The following SPSB1 variants were observed in gnomAD, a reference collection of about 807,000 sequenced individuals.
SPSB1 encodes the protein splA/ryanodine receptor domain and SOCS box containing 1, also known as SPRY domain-containing SOCS box protein 1.
A neutral mutation model predicts 21.2 loss-of-function variants in SPSB1; 8 were observed. The observed-to-expected ratio is 0.38, with a 90% CI of 0.22 to 0.68. SPSB1 has a LOEUF of 0.68. Among genes scored for constraint, SPSB1 ranks in the 30% least tolerant of loss-of-function variants. SPSB1 has a pLI of 0.53. For missense variants in SPSB1, 242 were observed against 377.8 expected (o/e 0.64, Z 2.98); for synonymous variants, 169 against 161.7 (o/e 1.05, Z -0.34).
At chr1:9,351,654 G>A (rs893353749) in intron 1 of SPSB1, 8 of 152,258 alleles carry the variant, frequency 5.3e-5, no homozygotes, top group Non-Finnish European at 8.8e-5. Flanking sequence ...GGGTGGATCT[G>A]TGCGGCCACA....
intron 1 of SPSB1, among the ~76,000 whole-genome samples, chr1:9,319,718 C>A (rs1639681027): frequency 6.6e-6 from 1 of 152,168 alleles, no homozygotes; most frequent in Non-Finnish European, 1.5e-5. Context: ...TGCAGAGCAG[C>A]CCCCAAAGGT....
intron 1 of SPSB1, among the ~76,000 whole-genome samples, chr1:9,331,038 G>A (rs1246519212): frequency 6.6e-6 from 1 of 152,080 alleles, no homozygotes; most frequent in Non-Finnish European, 1.5e-5. Context: ...CTGTATGTCT[G>A]CATCTTTGGG....
In SPSB1 at chr1:9,355,819, A is replaced by G; in HGVS notation, c.-73A>G. Reference sequence around the variant, plus strand: ...GGAATTCTGTCTGGCCCCGATCAGAATACTGGAGACGAGACCACGAGATTG... The same window carrying G: ...GGAATTCTGTCTGGCCCCGATCAGAGTACTGGAGACGAGACCACGAGATTG... On this transcript the variant is annotated 5_prime_UTR_variant, in exon 2 of 3. Transcript: ENST00000328089. 2 of 1,512,012 alleles carry G rather than the reference A, an allele frequency of 1.3e-6. No homozygotes were observed. Among genetic ancestry groups the G allele is most frequent in the Non-Finnish European group, 1.8e-6 (2 of 1,130,742 alleles). The allele number at this position is 1,512,012 out of a possible 1,614,324, so 93.7% of individuals were successfully genotyped here.
At chr1:9,316,303 TGGG>T (rs1190975172) in intron 1 of SPSB1, among the ~76,000 whole-genome samples, 1 of 152,082 alleles carries the variant, frequency 6.6e-6, no homozygotes. Flanking sequence ...GAGTTGGAGA[TGGG>T]GGCGTCCCTT....
At chr1:9,310,562 G>A (rs959097387) in intron 1 of SPSB1, among the ~76,000 whole-genome samples, 2 of 152,158 alleles carry the variant, frequency 1.3e-5, no homozygotes, top group Non-Finnish European at 2.9e-5. Flanking sequence ...GGATGTGATG[G>A]TGCATGCCTG....
chr1:9,309,829 G>A lies in SPSB1; in HGVS notation c.-150+16758G>A, dbSNP rs1055691106. Among the ~76,000 whole-genome samples the A allele has an allele frequency of 2.0e-5, 3 of 152,178 alleles. No homozygotes were observed. The East Asian group carries it at 5.8e-4, about 29-fold the overall frequency. ...TGCACTCCAGCCTGGGCAATAGTGT[G>A]TGACTTTGTCTCAAATAAATACAGT... On this transcript the variant is annotated intron_variant, in intron 1 of 2. Transcript: ENST00000328089.
chr1:9,299,243 C>T (rs1009526305), intron 1 of SPSB1, among the ~76,000 whole-genome samples: 9 of 152,208 alleles, frequency 5.9e-5, no homozygotes, highest in South Asian at 4.1e-4. Context: ...CTGGTAAGGC[C>T]GGCAATGCCC....
At chr1:9,298,039 G>A (rs1639254351) in intron 1 of SPSB1, among the ~76,000 whole-genome samples, 1 of 152,242 alleles carries the variant, frequency 6.6e-6, no homozygotes. Flanking sequence ...CCAAGTGGCA[G>A]TACTCAGCCA....
chr1:9,338,472 C>T (rs1640039229), intron 1 of SPSB1, among the ~76,000 whole-genome samples: 1 of 152,264 alleles, frequency 6.6e-6, no homozygotes, highest in African/African-American at 2.4e-5. Flanking sequence ...CAGGACAGCA[C>T]TTGCTGGGGA....
At chr1:9,304,717 C>T (rs1033838846) in intron 1 of SPSB1, among the ~76,000 whole-genome samples, 1 of 152,092 alleles carries the variant, frequency 6.6e-6, no homozygotes, top group African/African-American at 2.4e-5. Context: ...TTGAACCTGT[C>T]CTAAGTGGAA....
At chr1:9,318,013 A>ATGGACCTGCCG (rs1639642667) in intron 1 of SPSB1, among the ~76,000 whole-genome samples, 1 of 152,134 alleles carries the variant, frequency 6.6e-6, no homozygotes, top group African/African-American at 2.4e-5. Context: ...AGGTTTGGTG[A>ATGGACCTGCCG]CGTGCCAGGT....
At chr1:9,364,629 A>G (rs985195041) in intron 2 of SPSB1, among the ~76,000 whole-genome samples, 1 of 152,132 alleles carries the variant, frequency 6.6e-6, no homozygotes, top group African/African-American at 2.4e-5. Flanking sequence ...TCATTCCTCC[A>G]TTCGTCTCCA....
rs546741833 is a variant in SPSB1, at chr1:9,367,228, G to A, written c.695-220G>A. 5.6e-4 allele frequency among the ~76,000 whole-genome samples: 86 copies of A among 152,372 alleles called. No homozygotes were observed. The highest frequency in any genetic ancestry group is 1.1e-3 in the Non-Finnish European group (75 of 68,036). ...TAAGAAACCACTGTGAGGATTAAAT[G>A]AGTGTTAGCAGAGGGCTCGCCCAGG... is the stretch of plus-strand genomic sequence containing the variant. On this transcript the variant is annotated intron_variant, in intron 2 of 2. Transcript: ENST00000328089. This position sits in a 1 kb window ranked among gnomAD's most constrained non-coding sequence, Gnocchi z 5.9.
intron 1 of SPSB1, among the ~76,000 whole-genome samples, chr1:9,303,987 G>T (rs1056498022): frequency 6.6e-6 from 1 of 152,226 alleles, no homozygotes; most frequent in Admixed American, 6.5e-5. Flanking sequence ...AGGTGTGTCT[G>T]TGAGGGTGTT....
At chr1:9,330,205 C>T (rs962821028) in intron 1 of SPSB1, among the ~76,000 whole-genome samples, 4 of 152,200 alleles carry the variant, frequency 2.6e-5, no homozygotes, top group Non-Finnish European at 5.9e-5. Context: ...CGGTGGCTCA[C>T]GCCTGTAATC....
intron 1 of SPSB1, among the ~76,000 whole-genome samples, chr1:9,327,151 C>T (rs778320765): frequency 6.6e-6 from 1 of 152,182 alleles, no homozygotes; most frequent in Non-Finnish European, 1.5e-5. Flanking sequence ...TTCCGGGGGT[C>T]CCAGGATGGC....
chr1:9,333,551 G>A (rs1162775380), intron 1 of SPSB1, among the ~76,000 whole-genome samples: 2 of 151,952 alleles, frequency 1.3e-5, no homozygotes, highest in African/African-American at 2.4e-5. Flanking sequence ...GGCTGGTCTC[G>A]AACTCTTGAC....
chr1:9,300,338 T>C (rs1639308253), intron 1 of SPSB1, among the ~76,000 whole-genome samples: 1 of 152,234 alleles, frequency 6.6e-6, no homozygotes, highest in East Asian at 1.9e-4. Context: ...CTTCTAGTTT[T>C]GAGTGGGGCC....
At chr1:9,302,020 A>G (rs1462811237) in intron 1 of SPSB1, among the ~76,000 whole-genome samples, 1 of 152,214 alleles carries the variant, frequency 6.6e-6, no homozygotes, top group Non-Finnish European at 1.5e-5. Flanking sequence ...TCCGTGTAGC[A>G]CTGCTTCCAG....
Sources: allele counts gnomAD v4.1 joint callset (sites outside exome capture counted in the v4.1 genomes callset), GRCh38; gene constraint gnomAD v4.1.1; non-coding constraint Gnocchi (gnomAD v3.1); transcripts MANE v1.5; gene names NCBI Gene and HGNC (gene_info 2026-07-23, HGNC 2026-07-21).